Variants in BCL2L1 observed in about 807,000 individuals in gnomAD.
BCL2L1 encodes the protein BCL2 like 1, also known as bcl-2-like protein 1.
Under a neutral mutation model 18.7 loss-of-function variants are expected in BCL2L1, and 1 was observed. The ratio of observed to expected loss-of-function variants is 0.05; its 90% CI spans 0.02 to 0.25. BCL2L1 has a LOEUF of 0.25. BCL2L1 is among the 10% of genes least tolerant of loss of function. BCL2L1 has a pLI of 1.00. For synonymous variants in BCL2L1, 103 were observed against 122.7 expected, an observed-to-expected ratio of 0.84 and a Z score of 1.06; for missense variants, 207 against 304.9, an observed-to-expected ratio of 0.68 and a Z score of 2.39.
chr20:31,703,838 C>T (rs2061326941), intron 2 of BCL2L1, among the ~76,000 whole-genome samples: 1 of 146,066 alleles, frequency 6.8e-6, no homozygotes, highest in Non-Finnish European at 1.5e-5. Context: ...TGCTCTGTCA[C>T]CCAGGCTGGA....
At chr20:31,666,698 TG>T (rs905549793) in intron 2 of BCL2L1, among the ~76,000 whole-genome samples, 74 of 151,950 alleles carry the variant, frequency 4.9e-4, no homozygotes, top group Non-Finnish European at 8.1e-4. Flanking sequence ...GTGGGCAGGT[TG>T]GTGACAAGAA....
chr20:31,678,107 T>A (rs1302110705), intron 2 of BCL2L1, among the ~76,000 whole-genome samples: 1 of 152,196 alleles, frequency 6.6e-6, no homozygotes, highest in Non-Finnish European at 1.5e-5. Flanking sequence ...AGAAAAGGCA[T>A]CTTTTGCACT....
At chr20:31,689,958 G>A (rs531575971) in intron 2 of BCL2L1, among the ~76,000 whole-genome samples, 28 of 152,296 alleles carry the variant, frequency 1.8e-4, no homozygotes, top group Admixed American at 3.9e-4. Flanking sequence ...CGGAGGTTGC[G>A]GTGAGCTGGA....
intron 2 of BCL2L1, among the ~76,000 whole-genome samples, chr20:31,672,208 T>C (rs1486248229): frequency 6.6e-6 from 1 of 151,946 alleles, no homozygotes; most frequent in Non-Finnish European, 1.5e-5. Context: ...CTCATACCTG[T>C]AATCCCAGCA....
chr20:31,676,863 A>C (rs1385776054), intron 2 of BCL2L1, among the ~76,000 whole-genome samples: 6 of 152,126 alleles, frequency 3.9e-5, no homozygotes, highest in African/African-American at 1.4e-4. Flanking sequence ...TGGGTGGGAC[A>C]TTTCATCTTC....
At chr20:31,693,900 A>G (rs975626699) in intron 2 of BCL2L1, among the ~76,000 whole-genome samples, 1 of 152,158 alleles carries the variant, frequency 6.6e-6, no homozygotes, top group Non-Finnish European at 1.5e-5. Context: ...CCTATTTTTA[A>G]AATTGTACAT....
At chr20:31,708,882 A>G (rs1343938163) in intron 2 of BCL2L1, among the ~76,000 whole-genome samples, 1 of 152,048 alleles carries the variant, frequency 6.6e-6, no homozygotes, top group East Asian at 1.9e-4. Context: ...GGTGATGTTT[A>G]CCCTGCTGAG....
In BCL2L1 at chr20:31,690,657, G is replaced by A. The variant is rs188411193; in HGVS notation, c.565-24571C>T. ...ATGATCTCAGCTCACTGCAACCTCC[G>A]TCTCCTGGGTTCAAGCAATTCTCAT... On this transcript the variant is annotated intron_variant, in intron 2 of 2. Transcript: ENST00000307677. 1.0e-3 allele frequency among the ~76,000 whole-genome samples: 156 copies of A among 151,214 alleles called. 3 individuals carry two copies. The highest frequency in any genetic ancestry group is 8.4e-3 in the East Asian group (43 of 5,116).
At chr20:31,699,116 T>C (rs895315726) in intron 2 of BCL2L1, among the ~76,000 whole-genome samples, 5 of 152,238 alleles carry the variant, frequency 3.3e-5, no homozygotes, top group Non-Finnish European at 7.3e-5. Flanking sequence ...TGAATCCTCC[T>C]GCCTCTCAAG....
chr20:31,712,671 C>T (rs999672586), intron 2 of BCL2L1, among the ~76,000 whole-genome samples: 17 of 152,190 alleles, frequency 1.1e-4, no homozygotes, highest in African/African-American at 4.1e-4. Flanking sequence ...TATCCCAGTC[C>T]CACTGACCAG....
At chr20:31,672,870 T>C (rs562306480) in intron 2 of BCL2L1, among the ~76,000 whole-genome samples, 1 of 152,236 alleles carries the variant, frequency 6.6e-6, no homozygotes, top group South Asian at 2.1e-4. Flanking sequence ...TCTTTTTTTT[T>C]TTCTTGTAAA....
At chr20:31,672,653 G>C (rs1219707233) in intron 2 of BCL2L1, among the ~76,000 whole-genome samples, 1 of 152,174 alleles carries the variant, frequency 6.6e-6, no homozygotes, top group Non-Finnish European at 1.5e-5. Context: ...ACTGACTTCA[G>C]CTAGATCTCT....
chr20:31,723,711 G>C (rs1227266798), upstream of BCL2L1: 1 of 985,508 alleles, frequency 1.0e-6, no homozygotes, highest in African/African-American at 1.7e-5. Context: ...CGGCTGTCAC[G>C]CACAGGGGAG....
chr20:31,701,517 G>T (rs1015663132), intron 2 of BCL2L1, among the ~76,000 whole-genome samples: 1 of 151,954 alleles, frequency 6.6e-6, no homozygotes, highest in Non-Finnish European at 1.5e-5. Flanking sequence ...CCTTTCACCC[G>T]ACTCCCTTAG....
intron 2 of BCL2L1, chr20:31,713,310 A>G: frequency 1.0e-6 from 1 of 985,398 alleles, no homozygotes; most frequent in Non-Finnish European, 1.2e-6. Context: ...CTGGAGGCAG[A>G]AGCCAGGTGA....
At chr20:31,689,290 G>A (rs1568869565) in intron 2 of BCL2L1, among the ~76,000 whole-genome samples, 6 of 101,974 alleles carry the variant, frequency 5.9e-5, no homozygotes, top group Non-Finnish European at 1.0e-4. Flanking sequence ...GGGGAGGGGA[G>A]GGAAGGAAGA....
intron 2 of BCL2L1, among the ~76,000 whole-genome samples, chr20:31,719,178 G>A (rs1045188185): frequency 6.6e-6 from 1 of 152,210 alleles, no homozygotes; most frequent in Non-Finnish European, 1.5e-5. Flanking sequence ...CTAGTACACT[G>A]CTAGCTTCAC....
At chr20:31,671,121 G>C (rs1017348987) in intron 2 of BCL2L1, among the ~76,000 whole-genome samples, 35 of 152,014 alleles carry the variant, frequency 2.3e-4, no homozygotes, top group African/African-American at 7.5e-4. Context: ...TCCATGTGGG[G>C]GTTTGTAGGG....
At position 31,722,101 on chromosome 20, in the gene BCL2L1, C is replaced by T. The variant is rs774465563; in HGVS notation, c.118G>A (p.Gly40Arg). The change falls in exon 2 of 3, where the codon GGG becomes AGG. Residue 40 changes from glycine to arginine, a missense_variant. By Grantham distance (125) the Gly-to-Arg change is moderately radical. Coordinates refer to ENST00000307677, the MANE Select transcript of BCL2L1 (RefSeq NM_138578.3). ...VEENRTEAPEGTESEMETPSA... is the reference protein window; with the variant it reads ...VEENRTEAPERTESEMETPSA... ...GGGGTCTCCATCTCCGATTCAGTCC[C>T]TTCTGGGGCCTCAGTCCTGTTCTCT... is the stretch of plus-strand genomic sequence containing the variant. 2 of 1,580,454 alleles carry T rather than the reference C, an allele frequency of 1.3e-6. No homozygotes were observed. Among genetic ancestry groups the T allele is most frequent in the African/African-American group, 1.3e-5 (1 of 74,408 alleles).
Sources: allele counts gnomAD v4.1 joint callset (sites outside exome capture counted in the v4.1 genomes callset), GRCh38; gene constraint gnomAD v4.1.1; transcripts MANE v1.5; gene names NCBI Gene and HGNC (gene_info 2026-07-23, HGNC 2026-07-21).